Variants in MND1 observed in about 807,000 individuals in gnomAD.
MND1 encodes the protein meiotic nuclear division protein 1 homolog.
Under a neutral mutation model 35.1 loss-of-function variants are expected in MND1, and 28 were observed. The ratio of observed to expected loss-of-function variants is 0.80; its 90% CI spans 0.59 to 1.09. The LOEUF is 1.09. Among genes scored for constraint, MND1 ranks in the 50% least tolerant of loss-of-function variants. The pLI, the probability that MND1 is intolerant of heterozygous loss-of-function variation, is 0.00. For synonymous variants in MND1, 69 were observed against 70.5 expected (o/e 0.98, Z 0.11); for missense variants, 213 against 239.6 (o/e 0.89, Z 0.73).
chr4:153,400,830 A>C (rs1389376939), intron 6 of MND1, among the ~76,000 whole-genome samples: 1 of 152,252 alleles, frequency 6.6e-6, no homozygotes, highest in African/African-American at 2.4e-5. Context: ...ATACTCCATC[A>C]GTCAAAATTG....
In MND1 at chr4:153,354,747, A is replaced by G. The variant is rs1175612047; in HGVS notation, c.70-907A>G. Among the ~76,000 whole-genome samples, 3 of 152,240 alleles carry G rather than the reference A, an allele frequency of 2.0e-5. No homozygotes were observed. The East Asian group carries it at 5.8e-4, about 29-fold the overall frequency. On this transcript the variant is annotated intron_variant, in intron 2 of 7. Coordinates refer to ENST00000240488, the MANE Select transcript of MND1 (RefSeq NM_032117.4). ...AGGCCAGTCTCCAGCTCTTGAGCTC[A>G]AGCAGTCCTCCCAAAGTGGTGGGAT...
At chr4:153,398,210 A>G (rs1269941663) in intron 6 of MND1, among the ~76,000 whole-genome samples, 1 of 152,184 alleles carries the variant, frequency 6.6e-6, no homozygotes, top group Non-Finnish European at 1.5e-5. Flanking sequence ...AAAAGAGTGT[A>G]TTATAAAGGC....
chr4:153,380,302 C>CT (rs1013615003), intron 4 of MND1, among the ~76,000 whole-genome samples: 69 of 151,076 alleles, frequency 4.6e-4, no homozygotes, highest in African/African-American at 1.3e-3. Context: ...GACTAGATTT[C>CT]TTTTTTTTTG....
At chr4:153,363,005 C>G (rs1324176814) in intron 4 of MND1, 1 of 985,470 alleles carries the variant, frequency 1.0e-6, no homozygotes, top group Non-Finnish European at 1.2e-6. Flanking sequence ...CCCCCACCCC[C>G]ACATGAAGTG....
chr4:153,351,944 A>G (rs1303480861), intron 2 of MND1, among the ~76,000 whole-genome samples: 2 of 152,226 alleles, frequency 1.3e-5, no homozygotes, highest in Non-Finnish European at 2.9e-5. Context: ...ATAGTGAACA[A>G]ATTTTAAATC....
chr4:153,365,953 CA>C (rs1425262524), intron 4 of MND1, among the ~76,000 whole-genome samples: 1 of 123,224 alleles, frequency 8.1e-6, no homozygotes, highest in Non-Finnish European at 1.6e-5. Flanking sequence ...TTGGTGGCTG[CA>C]AATGCAAAAA....
intron 5 of MND1, among the ~76,000 whole-genome samples, chr4:153,395,948 C>G (rs1729187519): frequency 6.6e-6 from 1 of 152,122 alleles, no homozygotes; most frequent in Non-Finnish European, 1.5e-5. Context: ...TGCCCTTGAA[C>G]TCCTGGGCTC....
At chr4:153,404,566 C>A (rs1357894238) in intron 6 of MND1, among the ~76,000 whole-genome samples, 3 of 151,706 alleles carry the variant, frequency 2.0e-5, no homozygotes, top group Non-Finnish European at 4.4e-5. Flanking sequence ...CCTCCGCCTC[C>A]CTGGTTCAAG....
At chr4:153,382,090 T>A (rs990491928) in intron 4 of MND1, 39 of 152,120 alleles carry the variant, frequency 2.6e-4, no homozygotes, top group African/African-American at 8.7e-4. Context: ...AGCTCTTACT[T>A]GACTCAAGGG....
intron 4 of MND1, among the ~76,000 whole-genome samples, chr4:153,393,932 T>C (rs1429178800): frequency 1.5e-5 from 2 of 134,730 alleles, no homozygotes; most frequent in Non-Finnish European, 3.2e-5. Context: ...TTCTTTTTTT[T>C]TTTTTTTTTT....
chr4:153,353,987 T>C (rs964694156), intron 2 of MND1, among the ~76,000 whole-genome samples: 3 of 152,272 alleles, frequency 2.0e-5, no homozygotes, highest in African/African-American at 7.2e-5. Flanking sequence ...CCCAAAGTGC[T>C]GGGATTACAG....
chr4:153,380,651 TG>T (rs999614258), intron 4 of MND1, among the ~76,000 whole-genome samples: 16 of 152,188 alleles, frequency 1.1e-4, no homozygotes, highest in Non-Finnish European at 2.4e-4. Flanking sequence ...TAACAGGATC[TG>T]CCAAATTATA....
chr4:153,403,133 T>A (rs75812420), intron 6 of MND1, among the ~76,000 whole-genome samples: 2,591 of 146,418 alleles, frequency 0.018, 51 homozygotes, highest in East Asian at 0.077. Flanking sequence ...GAGAACCTTC[T>A]AAAAAAAAAA....
chr4:153,375,064 G>A (rs1728462217), intron 4 of MND1, among the ~76,000 whole-genome samples: 1 of 152,140 alleles, frequency 6.6e-6, no homozygotes, highest in Non-Finnish European at 1.5e-5. Flanking sequence ...ACTGTGTAAT[G>A]TTTAATGTAT....
At chr4:153,384,019 A>T (rs1728779701) in intron 4 of MND1, among the ~76,000 whole-genome samples, 3 of 152,130 alleles carry the variant, frequency 2.0e-5, no homozygotes. Context: ...TCATGGCATC[A>T]GTTGGATTTT....
intron 6 of MND1, among the ~76,000 whole-genome samples, chr4:153,405,224 AT>A (rs1419260330): frequency 7.2e-5 from 11 of 152,140 alleles, no homozygotes; most frequent in Admixed American, 6.5e-5. Flanking sequence ...AAATTTCCCA[AT>A]TTCAAAACTC....
intron 4 of MND1, among the ~76,000 whole-genome samples, chr4:153,365,420 T>C (rs997797314): frequency 6.6e-6 from 1 of 152,186 alleles, no homozygotes; most frequent in African/African-American, 2.4e-5. Flanking sequence ...TACCACTATC[T>C]GTTGTGTGTT....
At chr4:153,396,318 C>T (rs962129707) in intron 5 of MND1, among the ~76,000 whole-genome samples, 14 of 152,208 alleles carry the variant, frequency 9.2e-5, no homozygotes, top group African/African-American at 2.6e-4. Flanking sequence ...TGCTTCTGAG[C>T]GTGCTGCTCT....
In MND1 at chr4:153,415,047, C is replaced by A. The variant is rs992582481; in HGVS notation, c.*190C>A. ...ACAAAAGCAGGATGATAACCATATC[C>A]CCCCAGTGCTCATCAAAGTAGGACA... On this transcript the variant is annotated 3_prime_UTR_variant, in exon 8 of 8. Transcript: ENST00000240488. 1.7e-5 allele frequency: 6 copies of A among 357,054 alleles called. No homozygotes were observed. Among genetic ancestry groups the A allele is most frequent in the Non-Finnish European group, 3.1e-5 (6 of 194,236 alleles). 22.1% of individuals were successfully genotyped at this position (357,054 alleles called of 1,614,324 possible).
Sources: gnomAD v4.1 joint callset for allele counts (sites outside exome capture counted in the v4.1 genomes callset) on GRCh38, gnomAD v4.1.1 for gene constraint, MANE v1.5 for transcripts, NCBI Gene and HGNC (gene_info 2026-07-23, HGNC 2026-07-21) for gene names.